The following CCNH variants were observed in gnomAD, a reference collection of about 807,000 sequenced individuals.
CCNH encodes cyclin-H.
In CCNH, 31 loss-of-function variants were observed where a neutral mutation model predicts 41.9. That is an observed-to-expected ratio of 0.74 (90% CI 0.56 to 1.00). CCNH has a LOEUF of 1.00. Among genes scored for constraint, CCNH ranks in the 50% least tolerant of loss-of-function variants. CCNH has a pLI of 0.00. For synonymous variants in CCNH, 138 were observed against 136.1 expected (o/e 1.01, Z -0.10); for missense variants, 362 against 388.4 (o/e 0.93, Z 0.57).
rs183348857 is a variant in CCNH at position 87,407,906 on chromosome 5, A to G, written c.525+70T>C. The G allele has an allele frequency of 2.5e-4, 295 of 1,198,008 alleles. 1 individual carries two copies. In the East Asian group the frequency reaches 6.7e-3, roughly 27 times the overall value. The allele number at this position is 1,198,008 out of a possible 1,614,324, so 74.2% of individuals were successfully genotyped here. On this transcript the variant is annotated intron_variant, in intron 4 of 8. Coordinates refer to ENST00000256897, the MANE Select transcript of CCNH (RefSeq NM_001239.4). ...CAACGAGGATGATTATGAGTTTTAA[A>G]ATTTTGGATTCTTTTGTTAAAGAAT...
chr5:87,397,530 G>GT (rs1192338035), intron 7 of CCNH, among the ~76,000 whole-genome samples: 1 of 152,128 alleles, frequency 6.6e-6, no homozygotes, highest in Non-Finnish European at 1.5e-5. Context: ...TTGAGCTTAT[G>GT]TTTTTGTCTT....
chr5:87,410,691 G>A (rs1469937218), intron 2 of CCNH, among the ~76,000 whole-genome samples: 4 of 151,740 alleles, frequency 2.6e-5, no homozygotes, highest in East Asian at 1.9e-4. Context: ...TTCTCCTCAC[G>A]GTTGCCCACC....
chr5:87,343,115 T>A (rs1389293160), intron 9 of CCNH, among the ~76,000 whole-genome samples: 1 of 152,194 alleles, frequency 6.6e-6, no homozygotes, highest in East Asian at 1.9e-4. Context: ...GTACTTTAAA[T>A]TCTTTAAAGT....
intron 3 of CCNH, among the ~76,000 whole-genome samples, chr5:87,408,515 A>G (rs574888132): frequency 5.9e-4 from 90 of 152,306 alleles, no homozygotes; most frequent in African/African-American, 1.9e-3. Flanking sequence ...TACTTTGTAT[A>G]ATGTAGATGG....
At chr5:87,379,031 C>G (rs1761524254), upstream of CCNH, among the ~76,000 whole-genome samples, 1 of 152,106 alleles carries the variant, frequency 6.6e-6, no homozygotes, top group South Asian at 2.1e-4. Flanking sequence ...AGTGGAATCT[C>G]ACACACATAT....
At chr5:87,352,303 T>TACACAC (rs142667821) in intron 9 of CCNH, among the ~76,000 whole-genome samples, 1 of 150,028 alleles carries the variant, frequency 6.7e-6, no homozygotes, top group Non-Finnish European at 1.5e-5. Flanking sequence ...TACTTGAAGA[T>TACACAC]ACACACACAC....
At chr5:87,357,450 C>G (rs571303199) in intron 9 of CCNH, among the ~76,000 whole-genome samples, 1 of 152,188 alleles carries the variant, frequency 6.6e-6, no homozygotes, top group South Asian at 2.1e-4. Context: ...TTAAATCATA[C>G]ATTTCCCCAT....
At chr5:87,357,610 C>T (rs1759748826) in intron 9 of CCNH, among the ~76,000 whole-genome samples, 1 of 152,032 alleles carries the variant, frequency 6.6e-6, no homozygotes, top group Admixed American at 6.6e-5. Flanking sequence ...GAGGCTGAGG[C>T]AGGAGAATCG....
chr5:87,344,332 C>T (rs777872972), intron 9 of CCNH, among the ~76,000 whole-genome samples: 8 of 151,926 alleles, frequency 5.3e-5, no homozygotes, highest in Non-Finnish European at 1.2e-4. Flanking sequence ...GTATACATTA[C>T]CCATAAAAAC....
At chr5:87,332,815 G>A (rs1004430519) in intron 9 of CCNH, among the ~76,000 whole-genome samples, 43 of 151,652 alleles carry the variant, frequency 2.8e-4, no homozygotes, top group Non-Finnish European at 5.5e-4. Flanking sequence ...GAAAAAAAAA[G>A]AAAATATTTT....
At chr5:87,364,573 C>T (rs1760364598) in intron 9 of CCNH, among the ~76,000 whole-genome samples, 2 of 152,018 alleles carry the variant, frequency 1.3e-5, no homozygotes, top group African/African-American at 4.8e-5. Context: ...ACAAAGATTG[C>T]GTGAGGACAG....
rs946731966 is a variant in CCNH, at chr5:87,361,995, A to G, written c.*90+30775T>C. Among the ~76,000 whole-genome samples the G allele has an allele frequency of 3.3e-5, 5 of 152,196 alleles. 1 individual carries two copies. The highest frequency in any genetic ancestry group is 2.0e-4 in the Admixed American group (3 of 15,278). ...AGGAGGATTATCTGAAATCATGGTT[A>G]TAACACCAGCTGTGGATGGATGGGT... On this transcript the variant is annotated intron_variant and NMD_transcript_variant, in intron 9 of 9. Coordinates refer to the CCNH transcript ENST00000645953.
At chr5:87,390,312 C>T (rs910575591), downstream of CCNH, among the ~76,000 whole-genome samples, 15 of 152,020 alleles carry the variant, frequency 9.9e-5, no homozygotes, top group Non-Finnish European at 1.8e-4. Flanking sequence ...ATGCTGTCAC[C>T]GCACTGGCTA....
At chr5:87,338,142 T>C in intron 9 of CCNH, 1 of 1,606,738 alleles carries the variant, frequency 6.2e-7, no homozygotes, top group South Asian at 1.1e-5. Flanking sequence ...ATTTTATAAA[T>C]TTGGATCTTG....
At chr5:87,331,376 A>C in intron 9 of CCNH, 3 of 1,612,326 alleles carry the variant, frequency 1.9e-6, no homozygotes, top group Non-Finnish European at 2.5e-6. Flanking sequence ...TGACAGAACG[A>C]TAGCAGAAGA....
downstream of CCNH, chr5:87,389,608 A>G (rs1762331965): frequency 6.5e-7 from 1 of 1,541,994 alleles, no homozygotes; most frequent in Non-Finnish European, 8.9e-7. Context: ...AATTCTGGTT[A>G]ACATTTTTAT....
chr5:87,371,603 A>G (rs575541542), downstream of CCNH, among the ~76,000 whole-genome samples: 1 of 152,246 alleles, frequency 6.6e-6, no homozygotes, highest in Admixed American at 6.5e-5. Flanking sequence ...AAATAACCCA[A>G]ATCCCCTTAT....
chr5:87,359,318 G>A (rs1450246038), intron 9 of CCNH, among the ~76,000 whole-genome samples: 2 of 152,144 alleles, frequency 1.3e-5, no homozygotes, highest in South Asian at 4.1e-4. Flanking sequence ...TCCCTTGGGA[G>A]GAATGTAAAA....
chr5:87,334,212 A>T (rs1430300023), intron 9 of CCNH, among the ~76,000 whole-genome samples: 2 of 152,216 alleles, frequency 1.3e-5, no homozygotes, highest in Non-Finnish European at 2.9e-5. Flanking sequence ...TTCAGTCTAC[A>T]TCTGAAGACC....
Sources: allele counts gnomAD v4.1 joint callset (sites outside exome capture counted in the v4.1 genomes callset), GRCh38; gene constraint gnomAD v4.1.1; transcripts MANE v1.5; gene names NCBI Gene and HGNC (gene_info 2026-07-23, HGNC 2026-07-21).